Variants in MALT1 observed in about 807,000 individuals in gnomAD.
MALT1 encodes the protein mucosa-associated lymphoid tissue lymphoma translocation protein 1.
A neutral mutation model predicts 85.5 loss-of-function variants in MALT1; 36 were observed. The observed-to-expected ratio is 0.42, with a 90% confidence interval of 0.32 to 0.56. MALT1 has a LOEUF of 0.56. Ranked by LOEUF, MALT1 falls within the 20% of genes least tolerant of loss-of-function variation. The pLI is 0.10. For missense variants in MALT1, 716 were observed against 981.6 expected (o/e 0.73, Z 3.62); for synonymous variants, 359 against 361.3 (o/e 0.99, Z 0.07).
rs1418019638 is a variant in MALT1 at position 58,753,783 on chromosome 18, A to G, written c.*5941A>G. 2 of 149,402 alleles carry G rather than the reference A, an allele frequency of 1.3e-5. No homozygotes were observed. The highest frequency in any genetic ancestry group is 6.6e-5 in the Admixed American group (1 of 15,206). 9.3% of individuals were successfully genotyped at this position (149,402 alleles called of 1,614,324 possible). A position where few individuals can be genotyped will look rare whatever the true frequency, so the allele number is the denominator to read the frequency against. ...TGTAATGTAAATATGCTCAGCTTCA[A>G]TACATTTAAGAACACATTTTTAACT... On this transcript the variant is annotated 3_prime_UTR_variant, in exon 17 of 17. Transcript: ENST00000649217.
chr18:58,710,104 T>C (rs1221498929), intron 6 of MALT1, 32 bp downstream of exon 6: 2 of 1,361,438 alleles, frequency 1.5e-6, no homozygotes, highest in Non-Finnish European at 2.1e-6. Context: ...TTCTGACAAG[T>C]GGACTATAAT....
intron 4 of MALT1, among the ~76,000 whole-genome samples, chr18:58,702,242 G>A (rs2144366285): frequency 7.4e-6 from 1 of 135,360 alleles, no homozygotes; most frequent in East Asian, 2.3e-4. Flanking sequence ...AAAAAAATGG[G>A]GCCTGATGGT....
intron 14 of MALT1, 23 bp from the exon 15 acceptor site, chr18:58,744,315 T>C (rs768550211): frequency 6.4e-7 from 1 of 1,565,650 alleles, no homozygotes; most frequent in South Asian, 1.2e-5. Context: ...CCTACCAAAG[T>C]TGTTCTTATT....
chr18:58,673,815 A>G (rs1272116152), intron 1 of MALT1, among the ~76,000 whole-genome samples: 1 of 152,198 alleles, frequency 6.6e-6, no homozygotes. Flanking sequence ...AAAGGATAAT[A>G]GTGACTTGGG....
rs1174348467 is a variant in MALT1 at position 58,741,983 on chromosome 18, T to C, written c.1722T>C (p.Leu574=). Residue 574 remains leucine (L), a synonymous_variant, in exon 14 of 17, where the codon CTT becomes CTC. Coordinates refer to ENST00000649217, the MANE Select transcript of MALT1 (RefSeq NM_006785.4). ...GAACAGAATATTCTGCTGAATCTCTTGTGCGGAATCTACAGTGGGCCAAGG... is the reference window on the plus strand; with the variant it reads ...GAACAGAATATTCTGCTGAATCTCTCGTGCGGAATCTACAGTGGGCCAAGG... The part of the protein sequence containing the change: ...IQGTEYSAES[L]VRNLQWAKAH... 6 of 1,545,944 alleles carry C rather than the reference T, an allele frequency of 3.9e-6. No individual in the cohort carries two copies. The highest frequency in any genetic ancestry group is 4.4e-6 in the Non-Finnish European group (5 of 1,131,328).
At chr18:58,679,885 C>A (rs1017740503) in intron 1 of MALT1, among the ~76,000 whole-genome samples, 1 of 152,080 alleles carries the variant, frequency 6.6e-6, no homozygotes, top group Non-Finnish European at 1.5e-5. Context: ...GGTTCTCTTT[C>A]TAAATATACT....
rs535625691 is a variant in MALT1, at chr18:58,735,426, T to C, written c.1603+97T>C. On this transcript the variant is annotated intron_variant, in intron 13 of 16. Transcript: ENST00000649217. ...CTCTCTGGTGATTGTTTTATTCTTA[T>C]TATGTGGGTTTGGAATTAGTACCTA... 4 of 1,335,838 alleles carry C rather than the reference T, an allele frequency of 3.0e-6. No homozygotes were observed. The East Asian group carries it at 7.3e-5, about 24-fold the overall frequency. The allele number at this position is 1,335,838 out of a possible 1,614,324, so 82.7% of individuals were successfully genotyped here. A position where few individuals can be genotyped will look rare whatever the true frequency, so the allele number is the denominator to read the frequency against.
Position 58,742,014 on chromosome 18 carries a change from G to GGTAC in MALT1, c.1753+2_1753+5dup, listed in dbSNP as rs1404127964. On this transcript the variant is annotated frameshift_variant and splice_region_variant. Coordinates refer to ENST00000649217, the MANE Select transcript of MALT1 (RefSeq NM_006785.4). LOFTEE classifies it high-confidence loss of function. The stretch of plus-strand genomic sequence containing the variant: ...GAATCTACAGTGGGCCAAGGCTCAT[G>GGTAC]GTACGGTAAAGCCCATTTTTTGTTA... The GGTAC allele has an allele frequency of 6.7e-7, 1 of 1,498,124 alleles. No individual in the cohort carries two copies. Among genetic ancestry groups the GGTAC allele is most frequent in the African/African-American group, 1.4e-5 (1 of 73,420 alleles). 92.8% of individuals were successfully genotyped at this position (1,498,124 alleles called of 1,614,324 possible).
chr18:58,743,635 C>A (rs1424437988), intron 14 of MALT1, among the ~76,000 whole-genome samples: 1 of 151,938 alleles, frequency 6.6e-6, no homozygotes, highest in Non-Finnish European at 1.5e-5. Flanking sequence ...AATTAAGACC[C>A]TCCTCAGTAA....
At chr18:58,704,851 G>A (rs75326540) in intron 4 of MALT1, among the ~76,000 whole-genome samples, 15,542 of 152,090 alleles carry the variant, frequency 0.1, 1,046 homozygotes, top group Admixed American at 0.16. Context: ...CAGAATACAG[G>A]TAAGTGTTGC....
At chr18:58,718,817 G>A (rs1305420063) in intron 9 of MALT1, among the ~76,000 whole-genome samples, 1 of 152,200 alleles carries the variant, frequency 6.6e-6, no homozygotes, top group Non-Finnish European at 1.5e-5. Context: ...TAGTCGAGGA[G>A]AGTTAGAGAG....
chr18:58,690,845 G>T, intron 2 of MALT1: 1 of 235,254 alleles, frequency 4.3e-6, no homozygotes, highest in South Asian at 6.7e-5. Context: ...GAACCACATA[G>T]AGAACCAAGA....
chr18:58,728,267 C>A (rs2055092988), intron 10 of MALT1, among the ~76,000 whole-genome samples: 1 of 152,046 alleles, frequency 6.6e-6, no homozygotes, highest in African/African-American at 2.4e-5. Context: ...GGATGGTTAA[C>A]TAAATAAATA....
In MALT1 at chr18:58,700,567, T is replaced by A; in HGVS notation, c.625T>A (p.Cys209Ser). ...CAGCCAGTGGTCACAGCTGGATGTT[T>A]GCGACATCCCAGAGAGCTTCCAGAG... ...EFSQWSQLDVCDIPESFQRSV... is the reference protein window; with the variant it reads ...EFSQWSQLDVSDIPESFQRSV... The change falls in exon 4 of 17, where the codon TGC becomes AGC. Residue 209 changes from cysteine (C) to serine (S), a missense_variant. Around this residue, in one of 4 missense-constraint regions of MALT1, gnomAD observed 290 missense variants for 380.5 expected, o/e 0.76. Coordinates refer to ENST00000649217, the MANE Select transcript of MALT1 (RefSeq NM_006785.4). 6.2e-7 allele frequency: 1 copy of A among 1,608,798 alleles called. No homozygotes were observed. Among genetic ancestry groups the A allele is most frequent in the East Asian group, 2.3e-5 (1 of 44,428 alleles).
At chr18:58,733,699 G>C (rs2055186077) in intron 11 of MALT1, 125 bp downstream of exon 11, 1 of 837,576 alleles carries the variant, frequency 1.2e-6, no homozygotes. Flanking sequence ...ATTGAAACTG[G>C]AAGAACAAAA....
At chr18:58,744,585 A>G in intron 15 of MALT1, 90 bp downstream of exon 15, 1 of 593,944 alleles carries the variant, frequency 1.7e-6, no homozygotes, top group Non-Finnish European at 2.8e-6. Flanking sequence ...TGGTAAATAT[A>G]AAGGAAATAT....
At chr18:58,693,948 A>G (rs1050953070) in intron 2 of MALT1, among the ~76,000 whole-genome samples, 2 of 152,206 alleles carry the variant, frequency 1.3e-5, no homozygotes, top group Admixed American at 1.3e-4. Context: ...GAATCTTTGT[A>G]TTTTAAAGTT....
chr18:58,698,831 G>A (rs1292286762), intron 3 of MALT1, among the ~76,000 whole-genome samples: 2 of 152,204 alleles, frequency 1.3e-5, no homozygotes, highest in African/African-American at 2.4e-5. Flanking sequence ...AACAAGGGAA[G>A]ATAGCAAAGT....
chr18:58,747,735 T>G lies in MALT1; in HGVS notation c.2368T>G (p.Phe790Val). Residue 790 changes from phenylalanine (F) to valine (V), a missense_variant, in exon 17 of 17, where the codon TTC becomes GTC. Coordinates refer to ENST00000649217, the MANE Select transcript of MALT1 (RefSeq NM_006785.4). ...GACTCCAGATGCATTTATTTCAAGT[T>G]TCGCTCACCATGCTTCATGTCATTT... Reference protein sequence around the residue: ...SRTPDAFISSFAHHASCHFSR... With the variant: ...SRTPDAFISSVAHHASCHFSR... 1 of 1,614,198 alleles carries G rather than the reference T, an allele frequency of 6.2e-7. No homozygotes were observed. The highest frequency in any genetic ancestry group is 8.5e-7 in the Non-Finnish European group (1 of 1,180,014).
Sources: allele counts gnomAD v4.1 joint callset (sites outside exome capture counted in the v4.1 genomes callset), GRCh38; gene constraint gnomAD v4.1.1; regional missense constraint gnomAD v4.1.1; transcripts MANE v1.5; gene names NCBI Gene and HGNC (gene_info 2026-07-23, HGNC 2026-07-21).